Variants in FBXO21 observed in about 807,000 individuals in gnomAD.
The protein encoded by FBXO21 is F-box protein 21.
FBXO21 carries 32 observed loss-of-function variants against 76.6 expected under a neutral mutation model. That is an observed-to-expected ratio of 0.42 (90% CI 0.32 to 0.56). The LOEUF (loss-of-function observed/expected upper bound fraction) is 0.56. Among genes scored for constraint, FBXO21 ranks in the 20% least tolerant of loss-of-function variants. The probability of loss-of-function intolerance (pLI) is 0.16; values close to 1 mark genes in which losing one functional copy is unlikely to be tolerated. For missense variants in FBXO21, 586 were observed against 797.3 expected (o/e 0.73, Z 3.19); for synonymous variants, 328 against 311.5 (o/e 1.05, Z -0.56).
At chr12:117,164,262 A>ATCTTTT (rs1461009322) in intron 9 of FBXO21, among the ~76,000 whole-genome samples, 7 of 148,354 alleles carry the variant, frequency 4.7e-5, no homozygotes. Flanking sequence ...TACAGATGAC[A>ATCTTTT]TCTTTTCTTT....
intron 6 of FBXO21, among the ~76,000 whole-genome samples, chr12:117,173,036 A>AT (rs1395205768): frequency 0.21 from 30,064 of 143,876 alleles, 3,323 homozygotes; most frequent in East Asian, 0.42. Context: ...TGCTGAAATA[A>AT]TTTTTTTTTT....
At position 117,190,235 on chromosome 12, in the gene FBXO21, C is replaced by G; in HGVS notation, c.222G>C (p.Lys74Asn). Residue 74 changes from lysine (K) to asparagine (N), a missense_variant, in exon 1 of 12, where the codon AAG (lysine) becomes AAC (asparagine). Lys to Asn is a moderately conservative substitution (Grantham distance 94). Transcript: ENST00000622495. ...TGGCTCACCTCACCCGGAACTGCTC[C>G]TTCCACACCTTCCCGCTGCTCTGGC... ...ELCQSSGKVW[K>N]EQFRVRWPSL... The G allele has an allele frequency of 6.5e-7, 1 of 1,532,548 alleles. No individual in the cohort carries two copies. The highest frequency in any genetic ancestry group is 8.7e-7 in the Non-Finnish European group (1 of 1,149,700). 94.9% of individuals were successfully genotyped at this position (1,532,548 alleles called of 1,614,324 possible). A position where few individuals can be genotyped will look rare whatever the true frequency, so the allele number is the denominator to read the frequency against.
chr12:117,177,115 TTCTGTCCTCAATAAACTCC>T (rs1420338742), intron 4 of FBXO21, among the ~76,000 whole-genome samples: 3 of 152,208 alleles, frequency 2.0e-5, no homozygotes, highest in Non-Finnish European at 4.4e-5. Context: ...CCCAAGAACA[TTCTGTCCTCAATAAACTCC>T]AACCTGAGAG....
intron 2 of FBXO21, among the ~76,000 whole-genome samples, chr12:117,187,812 G>A (rs947458443): frequency 1.3e-5 from 2 of 152,284 alleles, no homozygotes; most frequent in Non-Finnish European, 2.9e-5. Context: ...CAAAATCTAC[G>A]TATGTGCAAA....
At chr12:117,148,706 A>T (rs2135843447) in intron 11 of FBXO21, among the ~76,000 whole-genome samples, 1 of 152,344 alleles carries the variant, frequency 6.6e-6, no homozygotes, top group South Asian at 2.1e-4. Context: ...AGACAGTCCC[A>T]TTCCAGGGCT....
chr12:117,177,692 T>G, intron 3 of FBXO21, 51 bp from the exon 4 acceptor site: 1 of 1,533,810 alleles, frequency 6.5e-7, no homozygotes, highest in South Asian at 1.1e-5. Flanking sequence ...TTCAGTTATC[T>G]ATTTTTCACA....
At chr12:117,166,017 C>G (rs140164297) in intron 8 of FBXO21, among the ~76,000 whole-genome samples, 1 of 152,054 alleles carries the variant, frequency 6.6e-6, no homozygotes. Context: ...TTGAGAAACC[C>G]CGTCTCTACT....
In FBXO21 at chr12:117,186,575, T is replaced by A; in HGVS notation, c.376-4A>T. ...CACTGAAGCCATTACAAGGAACCTA[T>A]GAAGAAGACATATACAAGTAGGCCT... On this transcript the variant is annotated splice_region_variant and splice_polypyrimidine_tract_variant and intron_variant, in intron 2 of 11. Coordinates refer to ENST00000622495, the MANE Select transcript of FBXO21 (RefSeq NM_015002.3). 2 of 1,596,024 alleles carry A rather than the reference T, an allele frequency of 1.3e-6. No individual in the cohort carries two copies. The highest frequency in any genetic ancestry group is 1.7e-6 in the Non-Finnish European group (2 of 1,168,008).
intron 2 of FBXO21, among the ~76,000 whole-genome samples, chr12:117,188,533 AGACTCT>A (rs891435411): frequency 4.6e-5 from 7 of 152,100 alleles, no homozygotes; most frequent in African/African-American, 1.4e-4. Flanking sequence ...AGACAAAGCA[AGACTCT>A]GTCTCAAAAA....
In FBXO21 at chr12:117,167,134, C is replaced by T; in HGVS notation, c.1014-57G>A. On this transcript the variant is annotated intron_variant, in intron 7 of 11. Transcript: ENST00000622495. ...TGAACAACTCATTATTTTAAGTCTC[C>T]ACAGTAAGTAGCTCAAATCATGGGC... 13 of 1,335,894 alleles carry T rather than the reference C, an allele frequency of 9.7e-6. 1 individual carries two copies. In the South Asian group the frequency reaches 1.6e-4, roughly 16 times the overall value. 82.8% of individuals were successfully genotyped at this position (1,335,894 alleles called of 1,614,324 possible). A position where few individuals can be genotyped will look rare whatever the true frequency, so the allele number is the denominator to read the frequency against.
intron 11 of FBXO21, among the ~76,000 whole-genome samples, chr12:117,152,328 T>C (rs1955852756): frequency 6.6e-6 from 1 of 151,904 alleles, no homozygotes; most frequent in Non-Finnish European, 1.5e-5. Flanking sequence ...TAGCCAGGTG[T>C]GGTGGTGCAT....
At chr12:117,151,140 T>C (rs974576456) in intron 11 of FBXO21, among the ~76,000 whole-genome samples, 11 of 152,110 alleles carry the variant, frequency 7.2e-5, no homozygotes, top group Admixed American at 5.2e-4. Context: ...AGACAAAACT[T>C]AAGAACGAGA....
At chr12:117,167,518 G>A (rs1025624221) in intron 7 of FBXO21, among the ~76,000 whole-genome samples, 1 of 151,940 alleles carries the variant, frequency 6.6e-6, no homozygotes, top group African/African-American at 2.4e-5. Flanking sequence ...AGGCCGAGGC[G>A]GGTGGATCAC....
At chr12:117,174,553 T>G in intron 5 of FBXO21, 98 bp downstream of exon 5, 1 of 1,421,156 alleles carries the variant, frequency 7.0e-7, no homozygotes, top group Non-Finnish European at 9.7e-7. Context: ...TATCACTTTT[T>G]CATGACATAA....
rs193008368 is a variant in FBXO21 at position 117,143,920 on chromosome 12, A to G, written c.*2167T>C. 11 of 152,794 alleles carry G rather than the reference A, an allele frequency of 7.2e-5. No individual in the cohort carries two copies. In the East Asian group the frequency reaches 2.1e-3, roughly 29 times the overall value. 9.5% of individuals were successfully genotyped at this position (152,794 alleles called of 1,614,324 possible). On this transcript the variant is annotated 3_prime_UTR_variant, in exon 12 of 12. Coordinates refer to ENST00000622495, the MANE Select transcript of FBXO21 (RefSeq NM_015002.3). The stretch of plus-strand genomic sequence containing the variant: ...TTCAACGTTTATAACAGGGCTTTTT[A>G]AAATGGAGAAAAGTTTTGGAAAATT...
intron 11 of FBXO21, among the ~76,000 whole-genome samples, chr12:117,146,552 T>G (rs1955772508): frequency 6.6e-6 from 1 of 152,148 alleles, no homozygotes; most frequent in Non-Finnish European, 1.5e-5. Flanking sequence ...CCAGCAAAAC[T>G]CCAAAGGTCT....
intron 1 of FBXO21, 151 bp from the exon 2 acceptor site, chr12:117,189,513 C>G (rs1956323275): frequency 1.4e-6 from 1 of 708,058 alleles, no homozygotes; most frequent in Admixed American, 2.5e-5. Context: ...CACCAGCATT[C>G]ACTCACTCAC....
chr12:117,160,114 A>G (rs1955961129), intron 9 of FBXO21, among the ~76,000 whole-genome samples: 1 of 152,182 alleles, frequency 6.6e-6, no homozygotes, highest in Non-Finnish European at 1.5e-5. Flanking sequence ...AGGGGTTGGT[A>G]AACTTTTTCT....
Position 117,146,337 on chromosome 12 carries a change from C to T in FBXO21, c.1676-60G>A, listed in dbSNP as rs150251878. ...CAATGTCCATTGCTGCCACACCTTTCATCCAGAGAACCTCCCATCACCCCT... is the reference window on the plus strand; with the variant it reads ...CAATGTCCATTGCTGCCACACCTTTTATCCAGAGAACCTCCCATCACCCCT... On this transcript the variant is annotated intron_variant, in intron 11 of 11. Transcript: ENST00000622495. The T allele has an allele frequency of 5.7e-4, 823 of 1,432,230 alleles. 5 individuals are homozygous for T. The African/African-American group carries it at 0.01, about 18-fold the overall frequency. 88.7% of individuals were successfully genotyped at this position (1,432,230 alleles called of 1,614,324 possible).
Sources: allele counts gnomAD v4.1 joint callset (sites outside exome capture counted in the v4.1 genomes callset), GRCh38; gene constraint gnomAD v4.1.1; transcripts MANE v1.5; gene names NCBI Gene and HGNC (gene_info 2026-07-23, HGNC 2026-07-21).